RCL1: variants seen among roughly 807,000 people sequenced by gnomAD.
RCL1 encodes the protein RNA terminal phosphate cyclase like 1, also known as RNA 3'-terminal phosphate cyclase-like protein.
Under a neutral mutation model 42.4 loss-of-function variants are expected in RCL1, and 24 were observed. That is an observed-to-expected ratio of 0.57 (90% CI 0.41 to 0.80). RCL1 has a LOEUF of 0.80. Among genes scored for constraint, RCL1 ranks in the 30% least tolerant of loss-of-function variants. The probability of loss-of-function intolerance (pLI) is 0.00; values close to 1 mark genes in which losing one functional copy is unlikely to be tolerated. For missense variants in RCL1, 578 were observed against 467.9 expected, an observed-to-expected ratio of 1.24 and a Z score of -2.17; for synonymous variants, 228 against 177.3, an observed-to-expected ratio of 1.29 and a Z score of -2.27.
chr9:4,806,291 G>C (rs1293888249), intron 1 of RCL1, among the ~76,000 whole-genome samples: 1 of 152,022 alleles, frequency 6.6e-6, no homozygotes, highest in Admixed American at 6.6e-5. Flanking sequence ...ATGGGTGGGA[G>C]GGAACATCCT....
intron 8 of RCL1, among the ~76,000 whole-genome samples, chr9:4,857,974 A>G (rs1250357923): frequency 8.7e-6 from 1 of 114,588 alleles, no homozygotes; most frequent in Non-Finnish European, 1.6e-5. Flanking sequence ...TCTGTTGCCC[A>G]GGTGGGAGTG....
chr9:4,803,052 T>C (rs1180825265), intron 1 of RCL1, among the ~76,000 whole-genome samples: 1 of 151,662 alleles, frequency 6.6e-6, no homozygotes, highest in Non-Finnish European at 1.5e-5. Flanking sequence ...CACTGTTTTG[T>C]CCAGGCTGGT....
At chr9:4,853,903 C>G (rs1470710954) in intron 8 of RCL1, among the ~76,000 whole-genome samples, 1 of 152,070 alleles carries the variant, frequency 6.6e-6, no homozygotes, top group African/African-American at 2.4e-5. Flanking sequence ...CTTCCTAGCC[C>G]ACTCAGCCTA....
chr9:4,798,549 G>C (rs1842949143), intron 1 of RCL1, among the ~76,000 whole-genome samples: 1 of 152,188 alleles, frequency 6.6e-6, no homozygotes, highest in South Asian at 2.1e-4. Flanking sequence ...TAATCAAAAG[G>C]GTCCTTTAAA....
At chr9:4,827,343 AGT>A in intron 3 of RCL1, 1 of 1,107,310 alleles carries the variant, frequency 9.0e-7, no homozygotes. Flanking sequence ...TATATGTGAG[AGT>A]GGAGTTTTTG....
Position 4,813,337 on chromosome 9 carries a change from C to T in RCL1, c.137-10211C>T, listed in dbSNP as rs560313234. 4.6e-3 allele frequency among the ~76,000 whole-genome samples: 694 copies of T among 152,186 alleles called. 2 individuals are homozygous for T. Among genetic ancestry groups the T allele is most frequent in the Non-Finnish European group, 7.6e-3 (518 of 68,002 alleles). ...TCTACAAAGAACTTAAACAAATTTACAAGAAAAAAATCAAACAACCCCATC... is the reference window on the plus strand; with the variant it reads ...TCTACAAAGAACTTAAACAAATTTATAAGAAAAAAATCAAACAACCCCATC... On this transcript the variant is annotated intron_variant, in intron 1 of 8. Transcript: ENST00000381750.
chr9:4,796,126 T>C (rs1399473336), intron 1 of RCL1, among the ~76,000 whole-genome samples: 1 of 152,166 alleles, frequency 6.6e-6, no homozygotes, highest in African/African-American at 2.4e-5. Context: ...TACATGTGCA[T>C]GTTTGTTACA....
At chr9:4,860,037 AT>A in intron 8 of RCL1, 87 bp from the exon 9 acceptor site, 1 of 910,694 alleles carries the variant, frequency 1.1e-6, no homozygotes, top group Non-Finnish European at 1.6e-6. Context: ...GGTCTGGGAG[AT>A]TAAAACCTTG....
chr9:4,855,331 G>C (rs1817914168), intron 8 of RCL1, among the ~76,000 whole-genome samples: 1 of 145,818 alleles, frequency 6.9e-6, no homozygotes. Context: ...GTTACTCATT[G>C]AGGGGCAGAG....
At position 4,849,100 on chromosome 9, in the gene RCL1, T is replaced by TC. The variant is rs60432876; in HGVS notation, c.868-347_868-346insC. On this transcript the variant is annotated intron_variant, in intron 7 of 8. Transcript: ENST00000381750. ...CTTCTAGAACTGATTAAGATTTTTT[T>TC]TTTTTTGCATATACTCAATAAAGAT... is the stretch of plus-strand genomic sequence containing the variant. Among the ~76,000 whole-genome samples, 3 of 152,076 alleles carry TC rather than the reference T, an allele frequency of 2.0e-5. No individual in the cohort carries two copies. The East Asian group carries it at 5.8e-4, about 29-fold the overall frequency.
chr9:4,795,083 TTTC>T (rs1475041434), intron 1 of RCL1, among the ~76,000 whole-genome samples: 1 of 141,886 alleles, frequency 7.0e-6, no homozygotes, highest in Admixed American at 7.1e-5. Flanking sequence ...GCTTAATTTC[TTTC>T]TTTTTTTTTG....
At chr9:4,833,015 C>T (rs1018904467) in intron 3 of RCL1, 139 bp from the exon 4 acceptor site, 69 of 618,404 alleles carry the variant, frequency 1.1e-4, no homozygotes, top group Non-Finnish European at 1.8e-4. Context: ...CCAGCCCACT[C>T]GCTCAGTTAT....
intron 2 of RCL1, among the ~76,000 whole-genome samples, chr9:4,824,243 A>G (rs920045824): frequency 3.9e-5 from 6 of 152,152 alleles, no homozygotes; most frequent in South Asian, 2.1e-4. Flanking sequence ...AGATGTGAAC[A>G]TCCCTTCACC....
At chr9:4,832,230 C>A (rs556618160) in intron 3 of RCL1, among the ~76,000 whole-genome samples, 2 of 152,162 alleles carry the variant, frequency 1.3e-5, no homozygotes, top group African/African-American at 4.8e-5. Flanking sequence ...CAAAGTCTTG[C>A]CATTAACTAT....
intron 3 of RCL1, among the ~76,000 whole-genome samples, chr9:4,830,246 A>G (rs1171526334): frequency 6.6e-6 from 1 of 152,210 alleles, no homozygotes; most frequent in Non-Finnish European, 1.5e-5. Context: ...AACTAGAGCT[A>G]TTGGAAAGTT....
chr9:4,840,171 G>A lies in RCL1; in HGVS notation c.585-1061G>A, dbSNP rs555578119. Among the ~76,000 whole-genome samples, 11 of 152,146 alleles carry A rather than the reference G, an allele frequency of 7.2e-5. 1 individual carries two copies. The South Asian group carries it at 2.1e-3, about 29-fold the overall frequency. Reference sequence around the variant, plus strand: ...TAGATACCAGATCAGGTCATGTATCGTCTCTGAGCACTTTGTTTCTGCAGT... The same window carrying A: ...TAGATACCAGATCAGGTCATGTATCATCTCTGAGCACTTTGTTTCTGCAGT... On this transcript the variant is annotated intron_variant, in intron 5 of 8. Coordinates refer to ENST00000381750, the MANE Select transcript of RCL1 (RefSeq NM_005772.5).
At chr9:4,838,547 G>C (rs373277898) in intron 5 of RCL1, among the ~76,000 whole-genome samples, 1 of 151,194 alleles carries the variant, frequency 6.6e-6, no homozygotes. Context: ...TGTAGGAAAG[G>C]TACTTTGAGA....
At chr9:4,831,810 T>C (rs1421828488) in intron 3 of RCL1, among the ~76,000 whole-genome samples, 1 of 152,234 alleles carries the variant, frequency 6.6e-6, no homozygotes, top group Non-Finnish European at 1.5e-5. Flanking sequence ...TTTTCTGATA[T>C]CACAATATTT....
chr9:4,858,803 G>C (rs1395645533), intron 8 of RCL1, among the ~76,000 whole-genome samples: 1 of 152,206 alleles, frequency 6.6e-6, no homozygotes, highest in Admixed American at 6.5e-5. Context: ...TTGGGAGACA[G>C]TACAGTGCGA....
Sources: gnomAD v4.1 joint callset for allele counts (sites outside exome capture counted in the v4.1 genomes callset) on GRCh38, gnomAD v4.1.1 for gene constraint, MANE v1.5 for transcripts, NCBI Gene and HGNC (gene_info 2026-07-23, HGNC 2026-07-21) for gene names.